The following ITPR1 variants were observed in gnomAD, a reference collection of about 807,000 sequenced individuals.
The protein encoded by ITPR1 is inositol 1,4,5-trisphosphate receptor type 1.
Under a neutral mutation model 318.4 loss-of-function variants are expected in ITPR1, and 96 were observed. That is an observed-to-expected ratio of 0.30 (90% CI 0.26 to 0.36). ITPR1 has a LOEUF of 0.36. Among genes scored for constraint, ITPR1 ranks in the 10% least tolerant of loss-of-function variants. The pLI is 1.00. For synonymous variants in ITPR1, 1,312 were observed against 1,289.9 expected (o/e 1.02, Z -0.37); for missense variants, 2,440 against 3,460.2 (o/e 0.71, Z 7.40).
rs547014694 is a variant in ITPR1, at chr3:4,603,533, A to G, written c.164-24230A>G. 8.5e-5 allele frequency among the ~76,000 whole-genome samples: 13 copies of G among 152,082 alleles called. No homozygotes were observed. The South Asian group carries it at 2.1e-3, about 24-fold the overall frequency. ...CAACCTCCACCTCCTGGGTTCAAGC[A>G]ATTCTCCTGCCTCAGCCTCCTGAGT... On this transcript the variant is annotated intron_variant, in intron 4 of 61. Coordinates refer to ENST00000649015, the MANE Select transcript of ITPR1 (RefSeq NM_001378452.1).
At chr3:4,835,981 G>A (rs531179471) in intron 60 of ITPR1, among the ~76,000 whole-genome samples, 1 of 152,196 alleles carries the variant, frequency 6.6e-6, no homozygotes, top group Admixed American at 6.5e-5. Flanking sequence ...CAAGAGGAGT[G>A]GTTTCTATAA....
chr3:4,846,346 G>T lies in ITPR1; in HGVS notation c.*121G>T. On this transcript the variant is annotated 3_prime_UTR_variant, in exon 62 of 62. Coordinates refer to ENST00000649015, the MANE Select transcript of ITPR1 (RefSeq NM_001378452.1). ...TGCTGAATACATTTGTAAATACTCA[G>T]TTTTATACTGTATGTATATGATTGC... The T allele has an allele frequency of 1.6e-6, 1 of 608,328 alleles. No individual in the cohort carries two copies. Among genetic ancestry groups the T allele is most frequent in the Non-Finnish European group, 2.9e-6 (1 of 345,638 alleles). The allele number at this position is 608,328 out of a possible 1,614,324, so 37.7% of individuals were successfully genotyped here. A position where few individuals can be genotyped will look rare whatever the true frequency, so the allele number is the denominator to read the frequency against.
chr3:4,735,135 T>A (rs1448562848), intron 43 of ITPR1, 29 bp from the exon 44 acceptor site: 1 of 1,581,130 alleles, frequency 6.3e-7, no homozygotes, highest in South Asian at 1.1e-5. Context: ...CTGATTGTGC[T>A]TAGTAAAAAC....
intron 33 of ITPR1, 134 bp from the exon 34 acceptor site, chr3:4,697,013 A>T (rs986005008): frequency 3.5e-5 from 23 of 661,752 alleles, no homozygotes; most frequent in Non-Finnish European, 4.9e-5. Context: ...AATATCAGAA[A>T]ATCATAGAAG....
chr3:4,545,766 A>C (rs2124986144), intron 4 of ITPR1, among the ~76,000 whole-genome samples: 1 of 142,832 alleles, frequency 7.0e-6, no homozygotes, highest in East Asian at 2.0e-4. Context: ...GGCGTGATCC[A>C]GGCTTACTGT....
In ITPR1 at chr3:4,683,423, G is replaced by A. The variant is rs776099053; in HGVS notation, c.3199G>A (p.Gly1067Ser). 9.3e-6 allele frequency: 15 copies of A among 1,613,876 alleles called. No homozygotes were observed. Among genetic ancestry groups the A allele is most frequent in the Admixed American group, 1.7e-5 (1 of 60,002 alleles). The change falls in exon 27 of 62, where the codon GGC (glycine) becomes AGC (serine). Residue 1067 changes from glycine (G) to serine (S), a missense_variant. This residue lies in a region of ITPR1 where 76 missense variants were observed against 132.2 expected (regional missense o/e 0.58). Coordinates refer to ENST00000649015, the MANE Select transcript of ITPR1 (RefSeq NM_001378452.1). The stretch of plus-strand genomic sequence containing the variant: ...CCCACTGGACTTGGATGACCACGGC[G>A]GCAGAACCTTTCTCCGTGTCCTGCT... Reference protein sequence around the residue: ...NTPLDLDDHGGRTFLRVLLHL... With the variant: ...NTPLDLDDHGSRTFLRVLLHL...
At chr3:4,816,303 T>C (rs2049297880) in intron 59 of ITPR1, 1 of 152,258 alleles carries the variant, frequency 6.6e-6, no homozygotes, top group Admixed American at 6.5e-5. Context: ...TTTTGTAGAA[T>C]GTCCCTTGAT....
At chr3:4,840,277 A>G (rs2106550569) in intron 61 of ITPR1, among the ~76,000 whole-genome samples, 1 of 152,276 alleles carries the variant, frequency 6.6e-6, no homozygotes, top group African/African-American at 2.4e-5. Flanking sequence ...TCTTTCTTAA[A>G]TAGTAATTGT....
At chr3:4,547,683 G>A (rs1426053105) in intron 4 of ITPR1, among the ~76,000 whole-genome samples, 5 of 152,144 alleles carry the variant, frequency 3.3e-5, no homozygotes, top group East Asian at 1.9e-4. Flanking sequence ...TAGGAGTCTC[G>A]TAGGCACATA....
At chr3:4,721,172 G>A (rs963589640) in intron 40 of ITPR1, among the ~76,000 whole-genome samples, 5 of 125,076 alleles carry the variant, frequency 4.0e-5, no homozygotes, top group Admixed American at 7.9e-5. Context: ...GTGTGTGCGT[G>A]TATATATATA....
chr3:4,556,951 G>A (rs13096859), intron 4 of ITPR1, among the ~76,000 whole-genome samples: 2,375 of 152,202 alleles, frequency 0.016, 33 homozygotes, highest in Middle Eastern at 0.061. Context: ...TGAATGTTTC[G>A]TATGCAGTCT....
At chr3:4,531,015 G>T (rs893869340) in intron 4 of ITPR1, among the ~76,000 whole-genome samples, 16 of 152,038 alleles carry the variant, frequency 1.1e-4, no homozygotes, top group Admixed American at 1.0e-3. Context: ...TTCTGATAGG[G>T]TCATGCATGC....
At chr3:4,661,348 A>T (rs998519875) in intron 14 of ITPR1, among the ~76,000 whole-genome samples, 1 of 152,298 alleles carries the variant, frequency 6.6e-6, no homozygotes, top group East Asian at 1.9e-4. Flanking sequence ...CTGGATTTCA[A>T]CTGCATTTCA....
intron 53 of ITPR1, among the ~76,000 whole-genome samples, chr3:4,796,160 A>G (rs2047883736): frequency 6.6e-6 from 1 of 152,204 alleles, no homozygotes; most frequent in Admixed American, 6.5e-5. Flanking sequence ...CCAACTTGAA[A>G]GCGATGTTAT....
intron 39 of ITPR1, among the ~76,000 whole-genome samples, chr3:4,713,365 G>A (rs577918753): frequency 6.6e-6 from 1 of 152,268 alleles, no homozygotes; most frequent in African/African-American, 2.4e-5. Flanking sequence ...TTCCATAACC[G>A]AGGTATTTAA....
chr3:4,584,127 T>G (rs774358943), intron 4 of ITPR1, among the ~76,000 whole-genome samples: 37 of 152,164 alleles, frequency 2.4e-4, no homozygotes, highest in Non-Finnish European at 5.4e-4. Context: ...CATCCTAAGT[T>G]TTAATGAAGC....
intron 52 of ITPR1, among the ~76,000 whole-genome samples, chr3:4,791,272 G>T (rs535063524): frequency 2.0e-5 from 3 of 152,256 alleles, no homozygotes; most frequent in African/African-American, 7.2e-5. Context: ...AGTAGAAAAC[G>T]TGCTGTAAGG....
rs1438267572 is a variant in ITPR1, at chr3:4,735,214, GAGGTTC to G, written c.5407_5412del (p.Val1803_Gln1804del). 6.2e-7 allele frequency: 1 copy of G among 1,613,862 alleles called. No individual in the cohort carries two copies. Among genetic ancestry groups the G allele is most frequent in the Non-Finnish European group, 8.5e-7 (1 of 1,179,872 alleles). On this transcript the variant is annotated inframe_deletion, in exon 44 of 62. Transcript: ENST00000649015. Reference sequence around the variant, plus strand: ...GAGCAGGGGTGAGATGAGTCTGGCCGAGGTTCAGTGTCACCTTGACAAGGAGGGGGC... The same window carrying G: ...GAGCAGGGGTGAGATGAGTCTGGCCGAGTGTCACCTTGACAAGGAGGGGGC...
chr3:4,809,163 G>T (rs1370086796), intron 55 of ITPR1, among the ~76,000 whole-genome samples: 2 of 152,148 alleles, frequency 1.3e-5, no homozygotes, highest in African/African-American at 4.8e-5. Context: ...TTTACTAGTG[G>T]TGAATGTAAA....
Sources: gnomAD v4.1 joint callset for allele counts (sites outside exome capture counted in the v4.1 genomes callset) on GRCh38, gnomAD v4.1.1 for gene constraint, gnomAD v4.1.1 regional missense constraint, MANE v1.5 for transcripts, NCBI Gene and HGNC (gene_info 2026-07-23, HGNC 2026-07-21) for gene names.